Variants in TIAL1 observed in about 807,000 individuals in gnomAD.
TIAL1 encodes TIA1 cytotoxic granule associated RNA binding protein like 1.
In TIAL1, 7 loss-of-function variants were observed where a neutral mutation model predicts 59.7. That is an observed-to-expected ratio of 0.12 (90% CI 0.07 to 0.22). TIAL1 has a LOEUF of 0.22. Ranked by LOEUF, TIAL1 falls within the 10% of genes least tolerant of loss-of-function variation. TIAL1 has a pLI of 1.00. For synonymous variants in TIAL1, 149 were observed against 146.3 expected, an observed-to-expected ratio of 1.02 and a Z score of -0.13; for missense variants, 225 against 462.5, an observed-to-expected ratio of 0.49 and a Z score of 4.71.
Position 119,580,228 on chromosome 10 carries a change from T to A in TIAL1, c.372-218A>T, listed in dbSNP as rs778922908. On this transcript the variant is annotated intron_variant, in intron 5 of 11. Transcript: ENST00000436547. ...GTAATAAACATGCAACCTAATCAAATAGCCTGTGCTTTCTAAACTAAATGC... is the reference window on the plus strand; with the variant it reads ...GTAATAAACATGCAACCTAATCAAAAAGCCTGTGCTTTCTAAACTAAATGC... 108 of 449,544 alleles carry A rather than the reference T, an allele frequency of 2.4e-4. 1 individual carries two copies. The highest frequency in any genetic ancestry group is 3.8e-4 in the Non-Finnish European group (99 of 259,912). 27.8% of individuals were successfully genotyped at this position (449,544 alleles called of 1,614,324 possible). A position where few individuals can be genotyped will look rare whatever the true frequency, so the allele number is the denominator to read the frequency against.
chr10:119,583,326 C>T (rs114235451), intron 2 of TIAL1, among the ~76,000 whole-genome samples: 2,074 of 152,066 alleles, frequency 0.014, 40 homozygotes, highest in African/African-American at 0.045. Flanking sequence ...CATAAGAACA[C>T]CATATAAAAA....
chr10:119,585,122 C>CAAA lies in TIAL1; in HGVS notation c.130-2568_130-2566dup, dbSNP rs34500092. Among the ~76,000 whole-genome samples the CAAA allele has an allele frequency of 6.9e-4, 32 of 46,492 alleles. 1 individual carries two copies. The East Asian group carries it at 0.013, about 18-fold the overall frequency. The allele number at this position is 46,492 out of a possible 152,430, so 30.5% of individuals were successfully genotyped here. ...TGGGCAAAAGAGCAAGATTCCATCT[C>CAAA]AAAAAAAAAAAAAAAAAAAAAAAAT... On this transcript the variant is annotated intron_variant, in intron 2 of 11. Coordinates refer to ENST00000436547, the MANE Select transcript of TIAL1 (RefSeq NM_003252.4).
At chr10:119,589,019 A>T (rs1455906618) in intron 1 of TIAL1, among the ~76,000 whole-genome samples, 2 of 152,226 alleles carry the variant, frequency 1.3e-5, no homozygotes, top group African/African-American at 4.8e-5. Flanking sequence ...TAGATTCCCA[A>T]CCAAAGCAAT....
intron 2 of TIAL1, among the ~76,000 whole-genome samples, chr10:119,583,523 T>C (rs1845397036): frequency 6.6e-6 from 1 of 152,194 alleles, no homozygotes; most frequent in South Asian, 2.1e-4. Context: ...CAAATACATA[T>C]TTTTATGTAA....
At position 119,577,628 on chromosome 10, in the gene TIAL1, C is replaced by A. The variant is rs1253288701; in HGVS notation, c.652+13G>T. On this transcript the variant is annotated intron_variant, in intron 8 of 11. Transcript: ENST00000436547. ...AAGCTCCTCAGAGGTGATTAGAAAACCAAACATTGTACCTGTTAACCCAGA... is the reference window on the plus strand; with the variant it reads ...AAGCTCCTCAGAGGTGATTAGAAAAACAAACATTGTACCTGTTAACCCAGA... 1.2e-6 allele frequency: 2 copies of A among 1,613,070 alleles called. No homozygotes were observed. The highest frequency in any genetic ancestry group is 3.3e-5 in the Admixed American group (2 of 59,988).
chr10:119,587,416 G>A (rs1249698914), intron 2 of TIAL1, among the ~76,000 whole-genome samples: 2 of 152,152 alleles, frequency 1.3e-5, no homozygotes, highest in Non-Finnish European at 2.9e-5. Context: ...CCAAGAAGCC[G>A]CTCACTGACC....
Position 119,582,419 on chromosome 10 carries a change from A to G in TIAL1, c.228+40T>C. On this transcript the variant is annotated intron_variant, in intron 3 of 11. Transcript: ENST00000436547. This position sits in a 1 kb window ranked among gnomAD's most constrained non-coding sequence, Gnocchi z 5.1. ...GAATACAAACTAGTTTGACATGCAAATATATGTACTCATAAGGTGCCATCA... is the reference window on the plus strand; with the variant it reads ...GAATACAAACTAGTTTGACATGCAAGTATATGTACTCATAAGGTGCCATCA... The G allele has an allele frequency of 1.3e-6, 2 of 1,541,374 alleles. No homozygotes were observed. Among genetic ancestry groups the G allele is most frequent in the Non-Finnish European group, 1.7e-6 (2 of 1,151,016 alleles).
At chr10:119,588,343 C>A in intron 1 of TIAL1, 95 bp from the exon 2 acceptor site, 3 of 648,586 alleles carry the variant, frequency 4.6e-6, no homozygotes, top group Non-Finnish European at 7.2e-6. Flanking sequence ...TTCTTTCTTT[C>A]TTTCTTTCTT....
chr10:119,582,336 G>T lies in TIAL1; in HGVS notation c.229-113C>A, dbSNP rs1014364345. 1.8e-5 allele frequency: 26 copies of T among 1,474,524 alleles called. No individual in the cohort carries two copies. The highest frequency in any genetic ancestry group is 2.7e-5 in the South Asian group (2 of 72,742). The allele number at this position is 1,474,524 out of a possible 1,614,324, so 91.3% of individuals were successfully genotyped here. On this transcript the variant is annotated intron_variant, in intron 3 of 11. Coordinates refer to ENST00000436547, the MANE Select transcript of TIAL1 (RefSeq NM_003252.4). This position sits in a 1 kb window ranked among gnomAD's most constrained non-coding sequence, Gnocchi z 5.1. The stretch of plus-strand genomic sequence containing the variant: ...GTTATTTTTGTAAAAGCACTAAGCT[G>T]AATAAAGCAAAACCATCACTCAGCA...
chr10:119,577,015 T>C, intron 10 of TIAL1, 65 bp downstream of exon 10: 1 of 1,578,314 alleles, frequency 6.3e-7, no homozygotes, highest in Admixed American at 1.9e-5. Flanking sequence ...TTTACAGAGT[T>C]TCCAAAGCTT....
In TIAL1 at chr10:119,596,446, T is replaced by C. The variant is rs1313275500; in HGVS notation, c.20A>G (p.Gln7Arg). MMEDDGQPRTLYVGNLS... is the reference protein window; with the variant it reads MMEDDGRPRTLYVGNLS... The stretch of plus-strand genomic sequence containing the variant: ...CTCGGGTACTCACAGAGTCCGGGGC[T>C]GCCCGTCGTCTTCCATCATGGTGGG... Residue 7 changes from glutamine (Q) to arginine (R), a missense_variant, in exon 1 of 12, where the codon CAG (glutamine) becomes CGG (arginine). By Grantham distance (43) the Gln-to-Arg change is conservative. Transcript: ENST00000436547. The C allele has an allele frequency of 6.5e-7, 1 of 1,532,706 alleles. No individual in the cohort carries two copies. The allele number at this position is 1,532,706 out of a possible 1,614,324, so 94.9% of individuals were successfully genotyped here.
chr10:119,590,816 GAAAGAA>G (rs1564744992), intron 1 of TIAL1, among the ~76,000 whole-genome samples: 1 of 145,716 alleles, frequency 6.9e-6, no homozygotes, highest in Non-Finnish European at 1.5e-5. Flanking sequence ...AAGAAAGAAA[GAAAGAA>G]ACGAACAAGT....
At chr10:119,594,827 G>T (rs1846075181) in intron 1 of TIAL1, among the ~76,000 whole-genome samples, 1 of 152,126 alleles carries the variant, frequency 6.6e-6, no homozygotes, top group African/African-American at 2.4e-5. Flanking sequence ...GTTTCACCGT[G>T]TTGGCCAGGA....
chr10:119,574,291 G>A lies in TIAL1; in HGVS notation c.*1374C>T, dbSNP rs1291639905. 1.3e-5 allele frequency: 2 copies of A among 151,986 alleles called. No individual in the cohort carries two copies. The highest frequency in any genetic ancestry group is 2.4e-5 in the African/African-American group (1 of 41,318). 9.4% of individuals were successfully genotyped at this position (151,986 alleles called of 1,614,324 possible). A position where few individuals can be genotyped will look rare whatever the true frequency, so the allele number is the denominator to read the frequency against. ...CTGCACACATACAACTTAAGCCTCTGCTCAGGCTTATTATACCATGCACAC... is the reference window on the plus strand; with the variant it reads ...CTGCACACATACAACTTAAGCCTCTACTCAGGCTTATTATACCATGCACAC... On this transcript the variant is annotated 3_prime_UTR_variant, in exon 12 of 12. Coordinates refer to ENST00000436547, the MANE Select transcript of TIAL1 (RefSeq NM_003252.4).
intron 11 of TIAL1, among the ~76,000 whole-genome samples, 188 bp from the exon 12 acceptor site, chr10:119,575,979 A>G (rs568885161): frequency 6.6e-6 from 1 of 152,330 alleles, no homozygotes; most frequent in East Asian, 1.9e-4. Flanking sequence ...TTAGTCTTTG[A>G]TATTTTTAAG....
rs1000500974 is a variant in TIAL1 at position 119,573,585 on chromosome 10, G to C, written c.*2080C>G. ...CAATAAGCTACTTAATTTACTGGCAGACCAAAACAGGCATACTAAGCATTT... is the reference window on the plus strand; with the variant it reads ...CAATAAGCTACTTAATTTACTGGCACACCAAAACAGGCATACTAAGCATTT... On this transcript the variant is annotated 3_prime_UTR_variant, in exon 12 of 12. Coordinates refer to ENST00000436547, the MANE Select transcript of TIAL1 (RefSeq NM_003252.4). 2 of 152,508 alleles carry C rather than the reference G, an allele frequency of 1.3e-5. No individual in the cohort carries two copies. The highest frequency in any genetic ancestry group is 2.9e-5 in the Non-Finnish European group (2 of 68,014). The allele number at this position is 152,508 out of a possible 1,614,324, so 9.4% of individuals were successfully genotyped here. A position where few individuals can be genotyped will look rare whatever the true frequency, so the allele number is the denominator to read the frequency against.
chr10:119,594,715 C>G (rs1191641170), intron 1 of TIAL1, among the ~76,000 whole-genome samples: 2 of 152,166 alleles, frequency 1.3e-5, no homozygotes, highest in South Asian at 2.1e-4. Context: ...ACCTCTGCCT[C>G]CTGGGTTCAA....
chr10:119,575,610 T>C lies in TIAL1; in HGVS notation c.*55A>G. On this transcript the variant is annotated 3_prime_UTR_variant, in exon 12 of 12. Transcript: ENST00000436547. ...GATGTCTACTTTCATGTCTTCAGAG[T>C]GTCACAGGAAATCGAAGCCTATCAT... is the stretch of plus-strand genomic sequence containing the variant. 6.3e-7 allele frequency: 1 copy of C among 1,598,826 alleles called. No individual in the cohort carries two copies. The highest frequency in any genetic ancestry group is 1.1e-5 in the South Asian group (1 of 90,408).
chr10:119,588,257 GA>G lies in TIAL1; in HGVS notation c.33-10del. 6 of 1,537,114 alleles carry G rather than the reference GA, an allele frequency of 3.9e-6. No homozygotes were observed. The highest frequency in any genetic ancestry group is 1.2e-5 in the South Asian group (1 of 80,904). ...AAAGGTTACCTACGTATCTGCACAA[GA>G]AAAAAATACGTTATCAGCAATTTTT... On this transcript the variant is annotated splice_polypyrimidine_tract_variant and intron_variant, in intron 1 of 11. Coordinates refer to ENST00000436547, the MANE Select transcript of TIAL1 (RefSeq NM_003252.4).
Sources: gnomAD v4.1 joint callset for allele counts (sites outside exome capture counted in the v4.1 genomes callset) on GRCh38, gnomAD v4.1.1 for gene constraint, Gnocchi (gnomAD v3.1) non-coding constraint, MANE v1.5 for transcripts, NCBI Gene and HGNC (gene_info 2026-07-23, HGNC 2026-07-21) for gene names.